The following ATG10 variants were observed in gnomAD, a reference collection of about 807,000 sequenced individuals.
ATG10 encodes ubiquitin-like-conjugating enzyme ATG10.
ATG10 carries 30 observed loss-of-function variants against 32.1 expected under a neutral mutation model. That is an observed-to-expected ratio of 0.94 (90% confidence interval 0.70 to 1.27). ATG10 has a LOEUF of 1.27. Ranked by LOEUF, ATG10 falls within the 50% of genes most tolerant of loss-of-function variation. The pLI, the probability that ATG10 is intolerant of heterozygous loss-of-function variation, is 0.00. For missense variants in ATG10, 233 were observed against 262.3 expected (o/e 0.89, Z 0.77); for synonymous variants, 87 against 91.5 (o/e 0.95, Z 0.28).
At chr5:81,983,558 G>GGGGCTCCTCACTTCCCAGTAGGGGC (rs1761140406) in intron 1 of ATG10, among the ~76,000 whole-genome samples, 1 of 147,536 alleles carries the variant, frequency 6.8e-6, no homozygotes, top group East Asian at 2.1e-4. Context: ...GCCGGGCAGA[G>GGGGCTCCTCACTTCCCAGTAGGGGC]GGGCTCCTCA....
intron 5 of ATG10, among the ~76,000 whole-genome samples, chr5:82,183,358 A>C (rs1361799960): frequency 1.3e-5 from 2 of 151,872 alleles, no homozygotes; most frequent in Non-Finnish European, 2.9e-5. Context: ...TTGTTGAAGA[A>C]ACAGGTTGTT....
At chr5:82,142,664 T>C (rs1767201443) in intron 3 of ATG10, among the ~76,000 whole-genome samples, 1 of 152,080 alleles carries the variant, frequency 6.6e-6, no homozygotes, top group Non-Finnish European at 1.5e-5. Context: ...GTGGCGGCAG[T>C]GTGGAGGGTG....
intron 2 of ATG10, among the ~76,000 whole-genome samples, chr5:81,988,901 C>G (rs1033908595): frequency 6.6e-6 from 1 of 152,172 alleles, no homozygotes; most frequent in African/African-American, 2.4e-5. Flanking sequence ...ATGATCTTGG[C>G]TCACTGCAGT....
At chr5:82,059,842 A>T (rs946043405) in intron 3 of ATG10, among the ~76,000 whole-genome samples, 1 of 152,226 alleles carries the variant, frequency 6.6e-6, no homozygotes, top group African/African-American at 2.4e-5. Context: ...AAGTGCCCCC[A>T]GATGGGTGCT....
intron 5 of ATG10, among the ~76,000 whole-genome samples, chr5:82,197,454 G>A (rs200611063): frequency 1.3e-3 from 163 of 126,840 alleles, no homozygotes; most frequent in African/African-American, 3.8e-3. Context: ...CTATCTATCT[G>A]TCTATCTACC....
rs1029784576 is a variant in ATG10 at position 82,049,095 on chromosome 5, A to G, written c.109-9400A>G. 4.6e-5 allele frequency among the ~76,000 whole-genome samples: 7 copies of G among 151,756 alleles called. 1 individual carries two copies. Among genetic ancestry groups the G allele is most frequent in the Non-Finnish European group, 7.4e-5 (5 of 67,954 alleles). The stretch of plus-strand genomic sequence containing the variant: ...ATCATGCTGCTATAAAGACACATGC[A>G]CACGTATGTTTCTTGCGGCATTATT... On this transcript the variant is annotated intron_variant, in intron 2 of 7. Transcript: ENST00000282185.
At chr5:82,184,999 A>G (rs1230700468) in intron 5 of ATG10, among the ~76,000 whole-genome samples, 2 of 152,338 alleles carry the variant, frequency 1.3e-5, no homozygotes, top group East Asian at 3.9e-4. Context: ...ACTTTTCTTC[A>G]TGAAACCTAC....
intron 3 of ATG10, among the ~76,000 whole-genome samples, chr5:82,153,024 T>C (rs1023916123): frequency 1.3e-5 from 2 of 152,226 alleles, no homozygotes; most frequent in African/African-American, 4.8e-5. Context: ...AGCCCTGCCT[T>C]CACTCACATT....
intron 1 of ATG10, among the ~76,000 whole-genome samples, chr5:81,980,307 T>A (rs1760999187): frequency 6.6e-6 from 1 of 152,218 alleles, no homozygotes; most frequent in Non-Finnish European, 1.5e-5. Context: ...AAGCTTTCCC[T>A]CTTCCTGTTT....
rs188405735 is a variant in ATG10 at position 82,239,262 on chromosome 5, G to A, written c.454-13300G>A. Among the ~76,000 whole-genome samples the A allele has an allele frequency of 1.4e-3, 209 of 152,266 alleles. 2 individuals carry two copies. Among genetic ancestry groups the A allele is most frequent in the African/African-American group, 4.6e-3 (193 of 41,552 alleles). ...CACAAATATTTCCCTTTATGGAACA[G>A]GCAGCATATGCCAGTAATAACTTAC... On this transcript the variant is annotated intron_variant, in intron 5 of 7. Transcript: ENST00000282185.
At chr5:82,248,365 T>C (rs191884471) in intron 5 of ATG10, among the ~76,000 whole-genome samples, 194 of 152,338 alleles carry the variant, frequency 1.3e-3, no homozygotes, top group Admixed American at 3.8e-3. Context: ...CTGTTGGAAA[T>C]CAGGCCAGCC....
At chr5:82,074,276 T>A (rs1764209733) in intron 3 of ATG10, among the ~76,000 whole-genome samples, 1 of 152,206 alleles carries the variant, frequency 6.6e-6, no homozygotes, top group African/African-American at 2.4e-5. Flanking sequence ...ATAATTTAAT[T>A]GTAAGACTTA....
intron 3 of ATG10, among the ~76,000 whole-genome samples, chr5:82,107,501 T>G (rs1765479351): frequency 6.6e-6 from 1 of 152,148 alleles, no homozygotes; most frequent in South Asian, 2.1e-4. Flanking sequence ...CAAACAATAT[T>G]TTTGTTTACC....
chr5:82,084,441 A>G (rs1764596368), intron 3 of ATG10, among the ~76,000 whole-genome samples: 2 of 152,370 alleles, frequency 1.3e-5, no homozygotes, highest in Admixed American at 6.5e-5. Context: ...TCCCCAACCT[A>G]GCAAGGCAGG....
chr5:82,090,495 A>C (rs1764846351), intron 3 of ATG10, among the ~76,000 whole-genome samples: 1 of 152,210 alleles, frequency 6.6e-6, no homozygotes. Flanking sequence ...GAATGAATAG[A>C]GTCAGTCTTA....
intron 2 of ATG10, among the ~76,000 whole-genome samples, chr5:82,008,149 T>A (rs1197003909): frequency 6.6e-6 from 1 of 152,196 alleles, no homozygotes; most frequent in Non-Finnish European, 1.5e-5. Flanking sequence ...GTCATGAGCA[T>A]GTTACTGCTG....
chr5:82,253,417 G>A lies in ATG10; in HGVS notation c.655G>A (p.Val219Ile), dbSNP rs565287045. ...AGCAACGTCTCAGGATGAACGAAAT[G>A]TCCCTTAACAAGGTAAAAGAAAAGC... is the stretch of plus-strand genomic sequence containing the variant. ...AKATSQDERN[V>I]P Residue 219 changes from valine to isoleucine, a missense_variant, in exon 7 of 8, where the codon GTC (valine) becomes ATC (isoleucine). Transcript: ENST00000282185. The A allele has an allele frequency of 2.2e-5, 35 of 1,582,204 alleles. No homozygotes were observed. The East Asian group carries it at 7.6e-4, about 34-fold the overall frequency.
intron 2 of ATG10, among the ~76,000 whole-genome samples, chr5:82,051,339 A>T (rs991701019): frequency 6.6e-6 from 1 of 152,158 alleles, no homozygotes; most frequent in Non-Finnish European, 1.5e-5. Context: ...TTAGTATCTG[A>T]GATGTAACTC....
chr5:82,186,752 G>A (rs116306450), intron 5 of ATG10, among the ~76,000 whole-genome samples: 5,217 of 151,860 alleles, frequency 0.034, 289 homozygotes, highest in African/African-American at 0.12. Flanking sequence ...GCCACCATGC[G>A]TGTATTTTTA....
Sources: gnomAD v4.1 joint callset for allele counts (sites outside exome capture counted in the v4.1 genomes callset) on GRCh38, gnomAD v4.1.1 for gene constraint, MANE v1.5 for transcripts, NCBI Gene and HGNC (gene_info 2026-07-23, HGNC 2026-07-21) for gene names.